FAM227B: variants seen among roughly 807,000 people sequenced by gnomAD.
FAM227B encodes the protein family with sequence similarity 227 member B.
FAM227B carries 88 observed loss-of-function variants against 73.8 expected under a neutral mutation model. The ratio of observed to expected loss-of-function variants is 1.19; its 90% confidence interval spans 1.00 to 1.42. The LOEUF is 1.42. Among genes scored for constraint, FAM227B ranks in the 40% most tolerant of loss-of-function variants. The pLI is 0.00. For missense variants in FAM227B, 632 were observed against 590.9 expected (o/e 1.07, Z -0.72); for synonymous variants, 210 against 190.5 (o/e 1.10, Z -0.84).
At chr15:49,331,985 C>T (rs1266381994) in intron 14 of FAM227B, 136 bp from the exon 15 acceptor site, 3 of 631,338 alleles carry the variant, frequency 4.8e-6, no homozygotes, top group Non-Finnish European at 8.5e-6. Flanking sequence ...TTCAATTACC[C>T]TTAAAACTTC....
chr15:49,336,359 TC>T (rs533313828), intron 13 of FAM227B, among the ~76,000 whole-genome samples: 269 of 152,300 alleles, frequency 1.8e-3, no homozygotes, highest in African/African-American at 6.2e-3. Flanking sequence ...AACAGACACT[TC>T]CCTTTGAAGT....
At chr15:49,566,983 C>T (rs934433038) in intron 9 of FAM227B, among the ~76,000 whole-genome samples, 1 of 152,130 alleles carries the variant, frequency 6.6e-6, no homozygotes, top group Non-Finnish European at 1.5e-5. Context: ...GGGGGATACA[C>T]AATGTTACCA....
At chr15:49,328,877 T>C in intron 15 of FAM227B, 1 of 1,329,892 alleles carries the variant, frequency 7.5e-7, no homozygotes, top group Non-Finnish European at 9.6e-7. Context: ...TCAATTCTTT[T>C]GGCCCTGAGC....
intron 4 of FAM227B, among the ~76,000 whole-genome samples, 157 bp downstream of exon 4, chr15:49,589,619 A>G (rs1304285233): frequency 6.6e-6 from 1 of 151,842 alleles, no homozygotes. Flanking sequence ...ACTAACACAA[A>G]AAATAAGGAC....
At chr15:49,463,289 C>T (rs1235158212) in intron 11 of FAM227B, among the ~76,000 whole-genome samples, 1 of 152,204 alleles carries the variant, frequency 6.6e-6, no homozygotes, top group Non-Finnish European at 1.5e-5. Context: ...CACAGTGGCT[C>T]ACACCTGTAA....
chr15:49,485,482 A>C (rs2056329947), intron 11 of FAM227B: 2 of 152,414 alleles, frequency 1.3e-5, no homozygotes, highest in South Asian at 4.1e-4. Flanking sequence ...ATAAAAAAAA[A>C]ACCTTAATAA....
chr15:49,558,254 C>T (rs1217786517), intron 9 of FAM227B, among the ~76,000 whole-genome samples: 1 of 152,226 alleles, frequency 6.6e-6, no homozygotes, highest in Admixed American at 6.5e-5. Flanking sequence ...ACCTGGGCTC[C>T]TAGTGCAGCA....
chr15:49,559,534 G>A (rs868340134), intron 9 of FAM227B, among the ~76,000 whole-genome samples: 3 of 152,068 alleles, frequency 2.0e-5, no homozygotes, highest in African/African-American at 7.2e-5. Flanking sequence ...ACCAGCCCAC[G>A]GAAGTGCATA....
In FAM227B at chr15:49,526,084, C is replaced by A. The variant is rs551360447; in HGVS notation, c.874+15596G>T. 1.8e-4 allele frequency among the ~76,000 whole-genome samples: 27 copies of A among 152,178 alleles called. 1 individual carries two copies. In the South Asian group the frequency reaches 5.6e-3, roughly 32 times the overall value. ...GACATTTAAAGAAGATTCTACCCAACAATTGCAAAAGAAACATTTTTCTCA... is the reference window on the plus strand; with the variant it reads ...GACATTTAAAGAAGATTCTACCCAAAAATTGCAAAAGAAACATTTTTCTCA... On this transcript the variant is annotated intron_variant, in intron 10 of 15. Coordinates refer to ENST00000299338, the MANE Select transcript of FAM227B (RefSeq NM_152647.3).
Position 49,541,682 on chromosome 15 carries a change from G to T in FAM227B, c.872C>A (p.Ser291Ter). 1 of 1,499,216 alleles carries T rather than the reference G, an allele frequency of 6.7e-7. No individual in the cohort carries two copies. Among genetic ancestry groups the T allele is most frequent in the Non-Finnish European group, 8.9e-7 (1 of 1,127,208 alleles). 92.9% of individuals were successfully genotyped at this position (1,499,216 alleles called of 1,614,324 possible). A position where few individuals can be genotyped will look rare whatever the true frequency, so the allele number is the denominator to read the frequency against. ...DLGNNIFLWCSGLKPQKGFWI... is the reference protein window; with the variant it reads ...DLGNNIFLWC ...ATATTTAAATGATATATTCATACCT[G>T]AACACCAAAGAAAAATGTTATTCCC... The change falls in exon 10 of 16, where the codon TCA (serine) becomes TAA (stop). Residue 291 changes from serine (S) to a stop codon, truncating the protein, a stop_gained and splice_region_variant. Transcript: ENST00000299338. LOFTEE classifies it high-confidence loss of function.
At chr15:49,515,940 T>G (rs1484479277) in intron 10 of FAM227B, among the ~76,000 whole-genome samples, 1 of 152,068 alleles carries the variant, frequency 6.6e-6, no homozygotes, top group African/African-American at 2.4e-5. Context: ...ATGGGCTATG[T>G]TCCTGTGTCT....
At chr15:49,591,365 CTCCCTCCCTCCCTCCCT>C (rs1234607819) in intron 3 of FAM227B, among the ~76,000 whole-genome samples, 2 of 122,706 alleles carry the variant, frequency 1.6e-5, no homozygotes, top group South Asian at 3.0e-4. Context: ...CCACCACACC[CTCCCTCCCTCCCTCCCT>C]TCCCTCCCTC....
chr15:49,424,598 G>C, intron 11 of FAM227B: 1 of 1,545,498 alleles, frequency 6.5e-7, no homozygotes, highest in Non-Finnish European at 8.7e-7. Context: ...GTAATTTTAA[G>C]TACTGCTCAT....
At chr15:49,421,495 A>G (rs2049621946) in intron 11 of FAM227B, among the ~76,000 whole-genome samples, 1 of 152,218 alleles carries the variant, frequency 6.6e-6, no homozygotes, top group Non-Finnish European at 1.5e-5. Flanking sequence ...CCCATTTTAC[A>G]GTTAATCCTA....
chr15:49,558,921 T>C lies in FAM227B; in HGVS notation c.747+9324A>G, dbSNP rs569392594. On this transcript the variant is annotated intron_variant, in intron 9 of 15. Coordinates refer to ENST00000299338, the MANE Select transcript of FAM227B (RefSeq NM_152647.3). ...AAACTCACTCATGTGGGCCCAAAGG[T>C]GGAGACCCCCCGCCCACCCACCATT... Among the ~76,000 whole-genome samples, 79 of 151,856 alleles carry C rather than the reference T, an allele frequency of 5.2e-4. 1 individual carries two copies. The highest frequency in any genetic ancestry group is 1.8e-3 in the African/African-American group (73 of 41,420).
At chr15:49,329,649 G>A (rs2038220806) in intron 15 of FAM227B, 1 of 984,626 alleles carries the variant, frequency 1.0e-6, no homozygotes, top group Non-Finnish European at 1.2e-6. Flanking sequence ...GAGAAAGCTT[G>A]AGTCAAATTT....
intron 9 of FAM227B, among the ~76,000 whole-genome samples, chr15:49,550,317 G>A (rs1424022954): frequency 4.1e-5 from 6 of 146,318 alleles, no homozygotes; most frequent in East Asian, 4.2e-4. Context: ...CGGACGGGGC[G>A]GCTGGCCGGG....
intron 11 of FAM227B, among the ~76,000 whole-genome samples, chr15:49,450,214 A>G (rs1381338423): frequency 6.6e-6 from 1 of 152,144 alleles, no homozygotes; most frequent in East Asian, 1.9e-4. Flanking sequence ...GACTCAAGTG[A>G]CAGAAGAATA....
intron 11 of FAM227B, among the ~76,000 whole-genome samples, chr15:49,394,170 C>T (rs1351673586): frequency 1.3e-5 from 2 of 152,050 alleles, no homozygotes; most frequent in Non-Finnish European, 2.9e-5. Context: ...TGAAGCTTTC[C>T]CCCCAGCTGT....
Sources: allele counts gnomAD v4.1 joint callset (sites outside exome capture counted in the v4.1 genomes callset), GRCh38; gene constraint gnomAD v4.1.1; transcripts MANE v1.5; gene names NCBI Gene and HGNC (gene_info 2026-07-23, HGNC 2026-07-21).